The following IQCM variants were observed in gnomAD, a reference collection of about 807,000 sequenced individuals.
IQCM encodes IQ motif containing M.
Under a neutral mutation model 57.6 loss-of-function variants are expected in IQCM, and 45 were observed. The ratio of observed to expected loss-of-function variants is 0.78; its 90% CI spans 0.62 to 1.00. IQCM has a LOEUF of 1.00. Ranked by LOEUF, IQCM falls within the 50% of genes least tolerant of loss-of-function variation. The pLI is 0.00. For synonymous variants in IQCM, 148 were observed against 158.9 expected, an observed-to-expected ratio of 0.93 and a Z score of 0.51; for missense variants, 468 against 511.6, an observed-to-expected ratio of 0.91 and a Z score of 0.82.
chr4:149,741,461 G>A (rs1767450171), intron 3 of IQCM, among the ~76,000 whole-genome samples: 1 of 152,126 alleles, frequency 6.6e-6, no homozygotes, highest in Admixed American at 6.6e-5. Flanking sequence ...AAAGCAAAAT[G>A]GAACTAGAGA....
At chr4:149,566,004 C>T (rs1363109256) in intron 9 of IQCM, among the ~76,000 whole-genome samples, 2 of 152,064 alleles carry the variant, frequency 1.3e-5, no homozygotes, top group African/African-American at 4.8e-5. Context: ...GCCAGAAGAG[C>T]TGAAGAATAG....
At chr4:149,663,570 C>T (rs574892940) in intron 7 of IQCM, among the ~76,000 whole-genome samples, 2 of 152,004 alleles carry the variant, frequency 1.3e-5, no homozygotes, top group Middle Eastern at 3.4e-3. Flanking sequence ...TATATTATTT[C>T]TCCTTTATTT....
intron 12 of IQCM, among the ~76,000 whole-genome samples, chr4:149,486,467 G>A (rs1055061934): frequency 3.9e-5 from 6 of 152,036 alleles, no homozygotes; most frequent in South Asian, 2.1e-4. Context: ...CCAAAAGCTC[G>A]GCCAGGCACT....
At chr4:149,624,147 A>T (rs187365424) in intron 7 of IQCM, among the ~76,000 whole-genome samples, 208 of 144,668 alleles carry the variant, frequency 1.4e-3, no homozygotes, top group Non-Finnish European at 2.4e-3. Context: ...ATGTGCCCCA[A>T]GTGTGTGTGT....
chr4:149,366,772 T>C (rs951536370), intron 13 of IQCM, among the ~76,000 whole-genome samples: 1 of 151,836 alleles, frequency 6.6e-6, no homozygotes, highest in African/African-American at 2.4e-5. Context: ...AAAAAAGATA[T>C]GGTTTGATGG....
At position 149,736,146 on chromosome 4, in the gene IQCM, C is replaced by CT. The variant is rs1254287259; in HGVS notation, c.38-689_38-688insA. ...TACTTATTGTAGAGATGGGGTTTCA[C>CT]CATGCTGCCCAGGCTGGTCTCGAAC... On this transcript the variant is annotated intron_variant, in intron 3 of 13. Transcript: ENST00000636793. Among the ~76,000 whole-genome samples the CT allele has an allele frequency of 6.4e-3, 979 of 152,108 alleles. 15 individuals are homozygous for CT. The highest frequency in any genetic ancestry group is 0.021 in the African/African-American group (890 of 41,494).
At chr4:149,576,480 T>C (rs975709172) in intron 9 of IQCM, among the ~76,000 whole-genome samples, 5 of 151,686 alleles carry the variant, frequency 3.3e-5, no homozygotes, top group Non-Finnish European at 5.9e-5. Context: ...TTAGTGCACA[T>C]ATCACCCAAG....
At chr4:149,762,002 A>G (rs1464022023) in intron 2 of IQCM, among the ~76,000 whole-genome samples, 1 of 151,760 alleles carries the variant, frequency 6.6e-6, no homozygotes, top group Non-Finnish European at 1.5e-5. Flanking sequence ...TGTTACTGTA[A>G]GTATCCTCCA....
At chr4:149,402,726 T>C (rs945925924) in intron 13 of IQCM, among the ~76,000 whole-genome samples, 4 of 151,914 alleles carry the variant, frequency 2.6e-5, no homozygotes, top group African/African-American at 9.7e-5. Context: ...GAAACTTAAC[T>C]AGGAAGTCTG....
intron 9 of IQCM, among the ~76,000 whole-genome samples, chr4:149,575,808 C>T (rs1751587894): frequency 6.6e-6 from 1 of 151,722 alleles, no homozygotes; most frequent in African/African-American, 2.4e-5. Context: ...TTAAGGCACT[C>T]ACTATGGGAG....
chr4:149,602,122 A>T (rs1413005188), intron 8 of IQCM, among the ~76,000 whole-genome samples: 1 of 152,044 alleles, frequency 6.6e-6, no homozygotes, highest in East Asian at 1.9e-4. Context: ...ACAAGGAAAA[A>T]ACAATACAGT....
At position 149,465,741 on chromosome 4, in the gene IQCM, G is replaced by GT. The variant is rs771635840; in HGVS notation, c.1229-32185dup. On this transcript the variant is annotated intron_variant, in intron 12 of 13. Coordinates refer to ENST00000636793, the MANE Select transcript of IQCM (RefSeq NM_001363507.2). The stretch of plus-strand genomic sequence containing the variant: ...GCTTCTTCAAGAAGGAAAAAAAAAA[G>GT]TTTTTTTTTTGTTTCTAGTTGGCCA... 3.9e-3 allele frequency among the ~76,000 whole-genome samples: 583 copies of GT among 148,108 alleles called. 1 individual carries two copies. The highest frequency in any genetic ancestry group is 6.5e-3 in the Non-Finnish European group (436 of 66,588).
intron 12 of IQCM, among the ~76,000 whole-genome samples, chr4:149,508,189 T>C (rs913663965): frequency 2.0e-5 from 3 of 152,034 alleles, no homozygotes; most frequent in Admixed American, 6.5e-5. Context: ...CTGCTAAGGC[T>C]GTATGGAAAG....
intron 12 of IQCM, among the ~76,000 whole-genome samples, chr4:149,445,133 C>G (rs576416477): frequency 2.0e-5 from 3 of 151,934 alleles, no homozygotes; most frequent in Admixed American, 2.0e-4. Context: ...TCCTTGTGAA[C>G]AATATAACCT....
intron 8 of IQCM, among the ~76,000 whole-genome samples, chr4:149,608,403 A>T (rs1268541378): frequency 6.6e-6 from 1 of 151,964 alleles, no homozygotes; most frequent in Non-Finnish European, 1.5e-5. Flanking sequence ...TCTTCACTAT[A>T]GACCAAATGA....
At chr4:149,469,926 G>A (rs1739320659) in intron 12 of IQCM, among the ~76,000 whole-genome samples, 1 of 152,190 alleles carries the variant, frequency 6.6e-6, no homozygotes, top group Admixed American at 6.5e-5. Flanking sequence ...CAAAGGCTGA[G>A]AGATTTTGTC....
intron 3 of IQCM, 136 bp downstream of exon 3, chr4:149,742,519 A>G: frequency 2.1e-6 from 1 of 474,674 alleles, no homozygotes; most frequent in Non-Finnish European, 3.4e-6. Flanking sequence ...ATTTTTAAAT[A>G]AAGGGAATGG....
intron 12 of IQCM, among the ~76,000 whole-genome samples, chr4:149,521,995 AC>A (rs1745695887): frequency 6.6e-6 from 1 of 152,314 alleles, no homozygotes; most frequent in African/African-American, 2.4e-5. Context: ...ACAGAGCTGC[AC>A]CAGTAGTGAT....
At chr4:149,493,221 T>C (rs1742285323) in intron 12 of IQCM, among the ~76,000 whole-genome samples, 2 of 152,156 alleles carry the variant, frequency 1.3e-5, no homozygotes, top group South Asian at 4.1e-4. Context: ...TTTAAATTTT[T>C]CTTGCCATCT....
Sources: allele counts gnomAD v4.1 joint callset (sites outside exome capture counted in the v4.1 genomes callset), GRCh38; gene constraint gnomAD v4.1.1; transcripts MANE v1.5; gene names NCBI Gene and HGNC (gene_info 2026-07-23, HGNC 2026-07-21).